Variants in ESPL1 observed in about 807,000 individuals in gnomAD.
The protein encoded by ESPL1 is separin.
A neutral mutation model predicts 217.2 loss-of-function variants in ESPL1; 50 were observed. The ratio of observed to expected loss-of-function variants is 0.23; its 90% CI spans 0.18 to 0.29. The LOEUF (loss-of-function observed/expected upper bound fraction) is 0.29. ESPL1 is among the 10% of genes least tolerant of loss of function. The probability of loss-of-function intolerance (pLI) is 1.00; values close to 1 mark genes in which losing one functional copy is unlikely to be tolerated. For synonymous variants in ESPL1, 994 were observed against 1,081.3 expected, an observed-to-expected ratio of 0.92 and a Z score of 1.58; for missense variants, 1,834 against 2,603.0, an observed-to-expected ratio of 0.70 and a Z score of 6.43.
chr12:53,274,355 C>G (rs114473202), intron 6 of ESPL1: 1 of 157,896 alleles, frequency 6.3e-6, no homozygotes, highest in Non-Finnish European at 1.4e-5. Flanking sequence ...GAGAAAAGAC[C>G]GGGTAATCAG....
rs1943669694 is a variant in ESPL1, at chr12:53,271,310, C to T, written c.1369+512C>T. ...CACCTCAGCCCCGCAACGAGCTCAC[C>T]TTGCAGGTTCAAGCGACTCTCCTGC... On this transcript the variant is annotated intron_variant, in intron 5 of 30. Transcript: ENST00000257934. 2.0e-5 allele frequency among the ~76,000 whole-genome samples: 3 copies of T among 151,158 alleles called. No homozygotes were observed. The South Asian group carries it at 6.3e-4, about 32-fold the overall frequency.
chr12:53,292,118 G>T lies in ESPL1; in HGVS notation c.5796+30G>T. The T allele has an allele frequency of 6.4e-7, 1 of 1,555,534 alleles. No individual in the cohort carries two copies. The highest frequency in any genetic ancestry group is 1.1e-5 in the South Asian group (1 of 89,904). On this transcript the variant is annotated intron_variant, in intron 27 of 30. Transcript: ENST00000257934. The surrounding 1 kb of genome is among the most constrained non-coding windows in gnomAD (Gnocchi z 4.5). The stretch of plus-strand genomic sequence containing the variant: ...GGTTCAGGGCGTAGTGTCTGGGGAT[G>T]ACTGGCGACTGGGGAAGACGTCAAC...
intron 15 of ESPL1, 49 bp downstream of exon 15, chr12:53,283,306 T>C: frequency 6.2e-7 from 1 of 1,611,084 alleles, no homozygotes; most frequent in Non-Finnish European, 8.5e-7. Context: ...ACAGGCTATG[T>C]GAGAGGGCTG....
rs1378437182 is a variant in ESPL1, at chr12:53,286,361, A to G, written c.3625A>G (p.Lys1209Glu). 1 of 1,614,204 alleles carries G rather than the reference A, an allele frequency of 6.2e-7. No individual in the cohort carries two copies. Among genetic ancestry groups the G allele is most frequent in the South Asian group, 1.1e-5 (1 of 91,084 alleles). Residue 1209 changes from lysine (K) to glutamate (E), a missense_variant, in exon 18 of 31, where the codon AAA becomes GAA. By Grantham distance (56) the Lys-to-Glu change is moderately conservative (BLOSUM62 1). Around this residue, in one of 5 missense-constraint regions of ESPL1, gnomAD observed 681 missense variants for 808.0 expected, o/e 0.84. Coordinates refer to ENST00000257934, the MANE Select transcript of ESPL1 (RefSeq NM_012291.5). This position sits in a 1 kb window ranked among gnomAD's most constrained non-coding sequence, Gnocchi z 5.3. ...TQALQASLNH[K>E]TPPSLVPSLL... The stretch of plus-strand genomic sequence containing the variant: ...AGCTCTCCAAGCTTCCCTGAATCAT[A>G]AAACACCCCCCTCCTTGGTTCCAAG...
intron 7 of ESPL1, among the ~76,000 whole-genome samples, chr12:53,276,387 G>A (rs1184863775): frequency 2.0e-5 from 3 of 152,212 alleles, no homozygotes; most frequent in African/African-American, 7.2e-5. Flanking sequence ...GTGGGAAGCG[G>A]CCAGATCACA....
rs371109449 is a variant in ESPL1 at position 53,288,532 on chromosome 12, C to T, written c.4547-6C>T. On this transcript the variant is annotated splice_region_variant and splice_polypyrimidine_tract_variant and intron_variant, in intron 19 of 30. Coordinates refer to ENST00000257934, the MANE Select transcript of ESPL1 (RefSeq NM_012291.5). ...GCACTGTGAAAAAGGCCTGCTCTCT[C>T]CCCAGGTGGGAAGACTCCAGCTCCG... The T allele has an allele frequency of 6.2e-7, 1 of 1,607,222 alleles. No homozygotes were observed. Among genetic ancestry groups the T allele is most frequent in the African/African-American group, 1.3e-5 (1 of 74,686 alleles).
In ESPL1 at chr12:53,293,422, A is replaced by T. The variant is rs757633101; in HGVS notation, c.6311A>T (p.Tyr2104Phe). 6.2e-7 allele frequency: 1 copy of T among 1,614,084 alleles called. No individual in the cohort carries two copies. The highest frequency in any genetic ancestry group is 8.5e-7 in the Non-Finnish European group (1 of 1,180,016). ...GCCCGCCAAGCTCCCCGACTCAAGT[A>T]TCTTATTGGGGCTGCACCTATAGCC... is the stretch of plus-strand genomic sequence containing the variant. ...NQARQAPRLK[Y>F]LIGAAPIAYG... Residue 2104 changes from tyrosine to phenylalanine, a missense_variant, in exon 31 of 31, where the codon TAT becomes TTT. Transcript: ENST00000257934. This position sits in a 1 kb window ranked among gnomAD's most constrained non-coding sequence, Gnocchi z 4.2.
Position 53,286,922 on chromosome 12 carries a change from G to A in ESPL1, c.4176+10G>A. ...CCAGACGCGCCTCAAGGTGAGGTGG[G>A]ACTGTTGCTAGGTGGTGGTGATGGT... On this transcript the variant is annotated intron_variant, in intron 18 of 30. Coordinates refer to ENST00000257934, the MANE Select transcript of ESPL1 (RefSeq NM_012291.5). The surrounding 1 kb of genome is among the most constrained non-coding windows in gnomAD (Gnocchi z 5.3). 1 of 1,576,872 alleles carries A rather than the reference G, an allele frequency of 6.3e-7. No homozygotes were observed. Among genetic ancestry groups the A allele is most frequent in the Non-Finnish European group, 8.6e-7 (1 of 1,162,274 alleles).
Position 53,270,488 on chromosome 12 carries a change from G to A in ESPL1, c.1248+6G>A. 1 of 1,604,318 alleles carries A rather than the reference G, an allele frequency of 6.2e-7. No homozygotes were observed. Among genetic ancestry groups the A allele is most frequent in the Non-Finnish European group, 8.5e-7 (1 of 1,171,104 alleles). ...ACTTTGCCCAAGGCTGTCAGGTACTGTCTGGGAATCAAGGTACCTGGACTA... is the reference window on the plus strand; with the variant it reads ...ACTTTGCCCAAGGCTGTCAGGTACTATCTGGGAATCAAGGTACCTGGACTA... On this transcript the variant is annotated splice_donor_region_variant and intron_variant, in intron 4 of 30. Coordinates refer to ENST00000257934, the MANE Select transcript of ESPL1 (RefSeq NM_012291.5).
chr12:53,277,991 T>C, intron 11 of ESPL1, 31 bp downstream of exon 11: 1 of 1,607,468 alleles, frequency 6.2e-7, no homozygotes, highest in Non-Finnish European at 8.5e-7. Flanking sequence ...GGGGGACCCA[T>C]ATAAACAAGG....
chr12:53,293,061 G>A lies in ESPL1; in HGVS notation c.6161+91G>A. The stretch of plus-strand genomic sequence containing the variant: ...CCCAGGTCTGAATCTTGCCTCTCTT[G>A]TGCCCCATTTTCCTCCTATCCTAGT... On this transcript the variant is annotated intron_variant, in intron 30 of 30. Transcript: ENST00000257934. The surrounding 1 kb of genome is among the most constrained non-coding windows in gnomAD (Gnocchi z 4.2). 7.6e-7 allele frequency: 1 copy of A among 1,311,896 alleles called. No homozygotes were observed. 81.3% of individuals were successfully genotyped at this position (1,311,896 alleles called of 1,614,324 possible). A position where few individuals can be genotyped will look rare whatever the true frequency, so the allele number is the denominator to read the frequency against.
Position 53,286,150 on chromosome 12 carries a change from C to A in ESPL1, c.3414C>A (p.Asn1138Lys). 1 of 1,614,268 alleles carries A rather than the reference C, an allele frequency of 6.2e-7. No individual in the cohort carries two copies. Among genetic ancestry groups the A allele is most frequent in the Non-Finnish European group, 8.5e-7 (1 of 1,180,052 alleles). The part of the protein sequence containing the change: ...VLKTKPQPIP[N>K]FLSHSPTCDC... ...AAACCAAGCCCCAGCCCATACCCAA[C>A]TTCCTGTCCCATTCACCCACCTGTG... The change falls in exon 18 of 31, where the codon AAC becomes AAA. Residue 1138 changes from asparagine to lysine, a missense_variant. Transcript: ENST00000257934. The surrounding 1 kb of genome is among the most constrained non-coding windows in gnomAD (Gnocchi z 5.3).
At chr12:53,289,066 C>T (rs749777354) in intron 20 of ESPL1, 24 bp from the exon 21 acceptor site, 1 of 1,560,338 alleles carries the variant, frequency 6.4e-7, no homozygotes, top group South Asian at 1.1e-5. Context: ...TTCAGCTGTA[C>T]CAAGTGTCCT....
In ESPL1 at chr12:53,279,781, G is replaced by T. The variant is rs750838036; in HGVS notation, c.2414G>T (p.Arg805Ile). ...VLLLLRIVSE[R>I]LKDHSKAAGS... ...CTGCTGCTACGGATTGTCTCTGAGA[G>T]ACTGAAGGACCACTCGAAGGCAGCT... The change falls in exon 12 of 31, where the codon AGA becomes ATA. Residue 805 changes from arginine (R) to isoleucine (I), a missense_variant. Transcript: ENST00000257934. The T allele has an allele frequency of 1.5e-5, 24 of 1,613,962 alleles. No homozygotes were observed. The highest frequency in any genetic ancestry group is 1.8e-5 in the Non-Finnish European group (21 of 1,179,964).
At chr12:53,270,122 T>C in intron 3 of ESPL1, 37 bp downstream of exon 3, 1 of 1,523,904 alleles carries the variant, frequency 6.6e-7, no homozygotes, top group Non-Finnish European at 8.9e-7. Flanking sequence ...GGGGACGTGG[T>C]CTGTGGACTC....
Position 53,272,869 on chromosome 12 carries a change from TGA to T in ESPL1, c.1506+17_1506+18del. 1 of 1,612,946 alleles carries T rather than the reference TGA, an allele frequency of 6.2e-7. No homozygotes were observed. Among genetic ancestry groups the T allele is most frequent in the South Asian group, 1.1e-5 (1 of 91,014 alleles). On this transcript the variant is annotated intron_variant, in intron 6 of 30. Coordinates refer to ENST00000257934, the MANE Select transcript of ESPL1 (RefSeq NM_012291.5). Reference sequence around the variant, plus strand: ...TGCCTCCTGAGAAGGTACAAGGGAATGAGAGATGCAGGAAAGGAGCTTATGTG... The same window carrying T: ...TGCCTCCTGAGAAGGTACAAGGGAATGAGATGCAGGAAAGGAGCTTATGTG...
Position 53,292,028 on chromosome 12 carries a change from A to C in ESPL1, c.5736A>C (p.Ala1912=), listed in dbSNP as rs745592047. ...GGGAAAGCATGCCCAGCCTCCAAGC[A>C]CTGCCTGTCACCCGGCTGCCCTCCT... ...LPWESMPSLQ[A]LPVTRLPSFR... is the part of the protein sequence containing the mutation. Residue 1912 remains alanine (A), a synonymous_variant, in exon 27 of 31, where the codon GCA becomes GCC. Coordinates refer to ENST00000257934, the MANE Select transcript of ESPL1 (RefSeq NM_012291.5). The surrounding 1 kb of genome is among the most constrained non-coding windows in gnomAD (Gnocchi z 4.5). 1 of 1,614,128 alleles carries C rather than the reference A, an allele frequency of 6.2e-7. No individual in the cohort carries two copies. Among genetic ancestry groups the C allele is most frequent in the Non-Finnish European group, 8.5e-7 (1 of 1,180,018 alleles).
In ESPL1 at chr12:53,289,264, G is replaced by A. The variant is rs1329833451; in HGVS notation, c.4883G>A (p.Cys1628Tyr). Residue 1628 changes from cysteine (C) to tyrosine (Y), a missense_variant, in exon 21 of 31, where the codon TGT becomes TAT. Cys to Tyr is a radical substitution (Grantham distance 194). Coordinates refer to ENST00000257934, the MANE Select transcript of ESPL1 (RefSeq NM_012291.5). ...FLVTESVSIT[C>Y]RHQLLTHLHR... is the part of the protein sequence containing the mutation. ...GTCACCGAGTCTGTCTCCATCACCT[G>A]TCGCCACCAGCTGCTCACCCACCTC... 1 of 1,611,960 alleles carries A rather than the reference G, an allele frequency of 6.2e-7. No homozygotes were observed. The highest frequency in any genetic ancestry group is 1.7e-5 in the Admixed American group (1 of 59,988).
rs1452317207 is a variant in ESPL1 at position 53,277,152 on chromosome 12, A to G, written c.2010A>G (p.Arg670=). 6.2e-7 allele frequency: 1 copy of G among 1,614,098 alleles called. No homozygotes were observed. Among genetic ancestry groups the G allele is most frequent in the African/African-American group, 1.3e-5 (1 of 74,954 alleles). The change falls in exon 9 of 31, where the codon AGA becomes AGG. Residue 670 remains arginine, a synonymous_variant. Coordinates refer to ENST00000257934, the MANE Select transcript of ESPL1 (RefSeq NM_012291.5). ...LDSVRPEAQA[R]DQLLDDKAQA... ...CTGTGAGGCCTGAGGCCCAGGCCAGAGATCAGCTTCTGGACGATAAAGCAC... is the reference window on the plus strand; with the variant it reads ...CTGTGAGGCCTGAGGCCCAGGCCAGGGATCAGCTTCTGGACGATAAAGCAC...
Sources: allele counts gnomAD v4.1 joint callset (sites outside exome capture counted in the v4.1 genomes callset), GRCh38; gene constraint gnomAD v4.1.1; regional missense constraint gnomAD v4.1.1; non-coding constraint Gnocchi (gnomAD v3.1); transcripts MANE v1.5; gene names NCBI Gene and HGNC (gene_info 2026-07-23, HGNC 2026-07-21).